JAG1: variants seen among roughly 807,000 people sequenced by gnomAD.
The protein encoded by JAG1 is jagged canonical Notch ligand 1, also known as protein jagged-1.
JAG1 carries 23 observed loss-of-function variants against 148.7 expected under a neutral mutation model. The ratio of observed to expected loss-of-function variants is 0.15; its 90% confidence interval spans 0.11 to 0.22. JAG1 has a LOEUF of 0.22. Ranked by LOEUF, JAG1 falls within the 10% of genes least tolerant of loss-of-function variation. The pLI, the probability that JAG1 is intolerant of heterozygous loss-of-function variation, is 1.00. For synonymous variants in JAG1, 572 were observed against 598.3 expected (o/e 0.96, Z 0.64); for missense variants, 1,054 against 1,611.2 (o/e 0.65, Z 5.92).
intron 8 of JAG1, chr20:10,651,343 C>T (rs1409026585): frequency 1.2e-5 from 6 of 484,682 alleles, no homozygotes; most frequent in East Asian, 3.3e-5. Flanking sequence ...AAGGAACAAG[C>T]GATTCCACGA....
chr20:10,645,497 G>T lies in JAG1; in HGVS notation c.2000-28C>A, dbSNP rs763951284. ...AGAATCAAAGGGGAGACAATCGGCT[G>T]AAGACGAGATCCAGGACCATTCACG... On this transcript the variant is annotated intron_variant, in intron 15 of 25. Coordinates refer to ENST00000254958, the MANE Select transcript of JAG1 (RefSeq NM_000214.3). The surrounding 1 kb of genome is among the most constrained non-coding windows in gnomAD (Gnocchi z 6.1). The T allele has an allele frequency of 7.0e-6, 11 of 1,571,626 alleles. No individual in the cohort carries two copies. The highest frequency in any genetic ancestry group is 9.6e-6 in the Non-Finnish European group (11 of 1,142,136).
intron 23 of JAG1, 101 bp downstream of exon 23, chr20:10,641,359 T>A: frequency 6.6e-7 from 1 of 1,526,428 alleles, no homozygotes; most frequent in Non-Finnish European, 9.0e-7. Context: ...AAAACAGGAA[T>A]GTAAGCTAGG....
At position 10,667,897 on chromosome 20, in the gene JAG1, G is replaced by A. The variant is rs193216434; in HGVS notation, c.388-3883C>T. Among the ~76,000 whole-genome samples, 421 of 152,184 alleles carry A rather than the reference G, an allele frequency of 2.8e-3. 12 individuals carry two copies. The highest frequency in any genetic ancestry group is 0.026 in the Admixed American group (393 of 15,292). On this transcript the variant is annotated intron_variant, in intron 2 of 25. Transcript: ENST00000254958. The stretch of plus-strand genomic sequence containing the variant: ...TACCAAGAAGCCAGCCAAGCACAAC[G>A]GTCTGGTTCACACAGAGCAAGCCTG...
Position 10,638,304 on chromosome 20 carries a change from C to T in JAG1, c.*1194G>A, listed in dbSNP as rs2067246297. 6.6e-6 allele frequency: 1 copy of T among 151,896 alleles called. No individual in the cohort carries two copies. Among genetic ancestry groups the T allele is most frequent in the South Asian group, 2.1e-4 (1 of 4,792 alleles). The allele number at this position is 151,896 out of a possible 1,614,324, so 9.4% of individuals were successfully genotyped here. Reference sequence around the variant, plus strand: ...AATGCAGTAGATTAAAAAAAAAAATCAAATCTACAAGTGGTTCAGTATTAT... The same window carrying T: ...AATGCAGTAGATTAAAAAAAAAAATTAAATCTACAAGTGGTTCAGTATTAT... On this transcript the variant is annotated 3_prime_UTR_variant, in exon 26 of 26. Coordinates refer to ENST00000254958, the MANE Select transcript of JAG1 (RefSeq NM_000214.3).
chr20:10,668,032 A>C (rs891535963), intron 2 of JAG1, among the ~76,000 whole-genome samples: 6 of 147,514 alleles, frequency 4.1e-5, no homozygotes, highest in Non-Finnish European at 8.9e-5. Context: ...ACTGGGAGCC[A>C]CCTTGCGGAA....
intron 8 of JAG1, chr20:10,651,239 TAGTA>T: frequency 3.7e-6 from 1 of 266,966 alleles, no homozygotes; most frequent in Non-Finnish European, 7.4e-6. Flanking sequence ...CAGAATCCAG[TAGTA>T]AGTGACAACC....
Position 10,658,495 on chromosome 20 carries a change from C to T in JAG1, c.667G>A (p.Gly223Ser). 6.2e-7 allele frequency: 1 copy of T among 1,614,218 alleles called. No homozygotes were observed. The highest frequency in any genetic ancestry group is 8.5e-7 in the Non-Finnish European group (1 of 1,180,050). The change falls in exon 4 of 26, where the codon GGC (glycine) becomes AGC (serine). Residue 223 changes from glycine (G) to serine (S), a missense_variant. Physicochemically the swap from Gly to Ser is moderately conservative, Grantham distance 56. Around this residue, in one of 6 missense-constraint regions of JAG1, gnomAD observed 104 missense variants for 235.2 expected, o/e 0.44. Coordinates refer to ENST00000254958, the MANE Select transcript of JAG1 (RefSeq NM_000214.3). ...CTGTTACATTCGGGGCCCATCCAGC[C>T]TTCCATGCAAGTTTTGTTGCCATTC... ...DQNGNKTCME[G>S]WMGPECNRAI...
At chr20:10,651,807 A>C in intron 7 of JAG1, 113 bp from the exon 8 acceptor site, 1 of 751,930 alleles carries the variant, frequency 1.3e-6, no homozygotes, top group Non-Finnish European at 2.3e-6. Context: ...TATTTCAAAA[A>C]CCAAAAGCAA....
chr20:10,659,559 C>CTTTTTTTTTTTTTTTTTTTTT lies in JAG1; in HGVS notation c.440-858_440-838dup, dbSNP rs35826283. Among the ~76,000 whole-genome samples the CTTTTTTTTTTTTTTTTTTTTT allele has an allele frequency of 1.0e-4, 11 of 105,156 alleles. 5 individuals carry two copies. The highest frequency in any genetic ancestry group is 2.1e-4 in the Admixed American group (2 of 9,516). The allele number at this position is 105,156 out of a possible 152,430, so 69.0% of individuals were successfully genotyped here. A position where few individuals can be genotyped will look rare whatever the true frequency, so the allele number is the denominator to read the frequency against. On this transcript the variant is annotated intron_variant, in intron 3 of 25. Transcript: ENST00000254958. ...GGAAGCCAAGGAGACGATTAAGTTACTTTTTTTTTTTTTTTTTTTTTTTTT... is the reference window on the plus strand; with the variant it reads ...GGAAGCCAAGGAGACGATTAAGTTACTTTTTTTTTTTTTTTTTTTTTTTTTTTTTTTTTTTTTTTTTTTTTT...
rs886056511 is a variant in JAG1 at position 10,639,097 on chromosome 20, G to A, written c.*401C>T. The A allele has an allele frequency of 1.3e-5, 3 of 230,490 alleles. No individual in the cohort carries two copies. The highest frequency in any genetic ancestry group is 6.9e-5 in the South Asian group (1 of 14,392). The allele number at this position is 230,490 out of a possible 1,614,324, so 14.3% of individuals were successfully genotyped here. ...CTTTCAAATACAGAACTACTTGTAC[G>A]TCATCATAAAACCAATATACAAAAA... is the stretch of plus-strand genomic sequence containing the variant. On this transcript the variant is annotated 3_prime_UTR_variant, in exon 26 of 26. Transcript: ENST00000254958.
At position 10,641,545 on chromosome 20, in the gene JAG1, A is replaced by T. The variant is rs1007864519; in HGVS notation, c.2831T>A (p.Val944Glu). 2 of 1,614,202 alleles carry T rather than the reference A, an allele frequency of 1.2e-6. No homozygotes were observed. The highest frequency in any genetic ancestry group is 1.7e-6 in the Non-Finnish European group (2 of 1,180,026). The change falls in exon 23 of 26, where the codon GTG becomes GAG. Residue 944 changes from valine (V) to glutamate (E), a missense_variant. Val to Glu is a moderately radical substitution (Grantham distance 121, BLOSUM62 -2). Coordinates refer to ENST00000254958, the MANE Select transcript of JAG1 (RefSeq NM_000214.3). ...GGAGTCAGAGGTGCACTTTGTCTTC[A>T]CCGGCTGGAGACTGGAAGACCGACA... ...GECRSSSLQP[V>E]KTKCTSDSYY...
chr20:10,650,105 T>G, intron 9 of JAG1, 142 bp downstream of exon 9: 1 of 703,938 alleles, frequency 1.4e-6, no homozygotes, highest in Non-Finnish European at 2.6e-6. Context: ...CTCCCAGGCC[T>G]GCTAGACTCT....
chr20:10,669,395 G>A (rs543360114), intron 2 of JAG1, among the ~76,000 whole-genome samples: 1 of 151,676 alleles, frequency 6.6e-6, no homozygotes, highest in Admixed American at 6.6e-5. Context: ...GAAGCTCAGG[G>A]ACTGGAAAAG....
Position 10,639,585 on chromosome 20 carries a change from C to T in JAG1, c.3570G>A (p.Pro1190=), listed in dbSNP as rs201572666. The change falls in exon 26 of 26, where the codon CCG becomes CCA. Residue 1190 remains proline (P), a synonymous_variant. Transcript: ENST00000254958. ...TGTTTGTCCAGTTTGGGTGTTTTGT[C>T]GGCGTGCCGTTGGGGGGCTTCTCTT... The part of the protein sequence containing the change: ...DREEKPPNGT[P]TKHPNWTNKQ... The T allele has an allele frequency of 7.2e-5, 117 of 1,614,152 alleles. 2 individuals are homozygous for T. Among genetic ancestry groups the T allele is most frequent in the South Asian group, 2.0e-4 (18 of 91,080 alleles).
At chr20:10,642,019 T>TAAC (rs2067275976) in intron 21 of JAG1, 127 bp from the exon 22 acceptor site, 2 of 743,544 alleles carry the variant, frequency 2.7e-6, no homozygotes, top group Non-Finnish European at 4.9e-6. Context: ...CTTCCCACAG[T>TAAC]AACAGCATGT....
chr20:10,651,750 A>G, intron 7 of JAG1, 56 bp from the exon 8 acceptor site: 1 of 1,112,992 alleles, frequency 9.0e-7, no homozygotes, highest in Non-Finnish European at 1.4e-6. Flanking sequence ...TTACCTCCCC[A>G]CACCCCCCTC....
chr20:10,651,994 T>C (rs936585617), intron 7 of JAG1, 137 bp downstream of exon 7: 38 of 1,017,812 alleles, frequency 3.7e-5, no homozygotes, highest in Non-Finnish European at 5.4e-5. Context: ...CAAAGGCTTA[T>C]AGAATGGTTG....
chr20:10,658,095 A>G (rs1243545781), intron 4 of JAG1, among the ~76,000 whole-genome samples: 1 of 152,222 alleles, frequency 6.6e-6, no homozygotes, highest in Non-Finnish European at 1.5e-5. Context: ...GGTAAGCTCT[A>G]GAGTGCAAAT....
Position 10,639,641 on chromosome 20 carries a change from T to C in JAG1, c.3514A>G (p.Lys1172Glu), listed in dbSNP as rs978364818. 1 of 1,614,136 alleles carries C rather than the reference T, an allele frequency of 6.2e-7. No homozygotes were observed. Among genetic ancestry groups the C allele is most frequent in the Non-Finnish European group, 8.5e-7 (1 of 1,180,054 alleles). ...TCTACCAGCGTGTACGCCGGCTGCTTGGCAAACCGGGCTTTCTGCTGGTGT... is the reference window on the plus strand; with the variant it reads ...TCTACCAGCGTGTACGCCGGCTGCTCGGCAAACCGGGCTTTCTGCTGGTGT... ...DKHQQKARFA[K>E]QPAYTLVDRE... The change falls in exon 26 of 26, where the codon AAG becomes GAG. Residue 1172 changes from lysine (K) to glutamate (E), a missense_variant. By Grantham distance (56) the Lys-to-Glu change is moderately conservative. Transcript: ENST00000254958.
Sources: allele counts gnomAD v4.1 joint callset (sites outside exome capture counted in the v4.1 genomes callset), GRCh38; gene constraint gnomAD v4.1.1; regional missense constraint gnomAD v4.1.1; non-coding constraint Gnocchi (gnomAD v3.1); transcripts MANE v1.5; gene names NCBI Gene and HGNC (gene_info 2026-07-23, HGNC 2026-07-21).